AIRIM: variants seen among roughly 807,000 people sequenced by gnomAD.
The protein encoded by AIRIM is AFG2-interacting ribosome maturation factor.
the AIRIM span, chr1:37,690,015 G>GTTTTTTTTTTTTT: frequency 8.0e-7 from 1 of 1,244,176 alleles, no homozygotes. Context: ...CAGAAGCAGG[G>GTTTTTTTTTTTTT]TTTTTTTTTT....
the AIRIM span, chr1:37,690,386 T>C: frequency 3.9e-6 from 5 of 1,289,668 alleles, no homozygotes; most frequent in South Asian, 1.2e-5. Context: ...AAGCGCCGTC[T>C]CTTCTCTGAC....
chr1:37,682,219 A>G, the AIRIM span: 1 of 152,326 alleles, frequency 6.6e-6, no homozygotes, highest in Admixed American at 6.5e-5. Flanking sequence ...TTTTTGAAAA[A>G]TATCTATACC....
the AIRIM span, among the ~76,000 whole-genome samples, chr1:37,686,782 G>A: frequency 1.3e-5 from 2 of 152,196 alleles, no homozygotes; most frequent in African/African-American, 4.8e-5. Flanking sequence ...CAAGAATCAA[G>A]AAAGGGGCTG....
the AIRIM span, chr1:37,690,377 A>G: frequency 7.8e-7 from 1 of 1,289,798 alleles, no homozygotes; most frequent in South Asian, 1.2e-5. Flanking sequence ...CTGGCGTCCA[A>G]GCGCCGTCTC....
At chr1:37,689,497 A>C in the AIRIM span, 1 of 1,307,756 alleles carries the variant, frequency 7.6e-7, no homozygotes, top group Non-Finnish European at 1.0e-6. Context: ...ATACCTCCAC[A>C]TGCCACGCTT....
At chr1:37,687,276 C>A in the AIRIM span, among the ~76,000 whole-genome samples, 1 of 151,100 alleles carries the variant, frequency 6.6e-6, no homozygotes, top group African/African-American at 2.4e-5. Context: ...TACAGGCATG[C>A]GCCACCACAC....
chr1:37,689,345 C>T, the AIRIM span, among the ~76,000 whole-genome samples: 1 of 152,194 alleles, frequency 6.6e-6, no homozygotes, highest in Admixed American at 6.5e-5. Context: ...AGCTAATAGG[C>T]TTTCTCCGCT....
chr1:37,688,210 C>T, the AIRIM span, among the ~76,000 whole-genome samples: 4 of 151,990 alleles, frequency 2.6e-5, no homozygotes, highest in East Asian at 1.9e-4. Flanking sequence ...GTGTGTGCCA[C>T]GACAGCCAGT....
chr1:37,686,465 G>A, the AIRIM span: 2 of 1,610,076 alleles, frequency 1.2e-6, no homozygotes, highest in Non-Finnish European at 1.7e-6. Flanking sequence ...GCAAGAAAGA[G>A]TCTGACATTA....
At chr1:37,690,652 C>A in the AIRIM span, 1 of 250,294 alleles carries the variant, frequency 4.0e-6, no homozygotes, top group Non-Finnish European at 7.5e-6. Flanking sequence ...ACTGGCCACT[C>A]GGCTTGAAGC....
chr1:37,688,568 T>A, the AIRIM span, among the ~76,000 whole-genome samples: 1 of 152,208 alleles, frequency 6.6e-6, no homozygotes, highest in African/African-American at 2.4e-5. Flanking sequence ...CATTTTTATA[T>A]TCTTGGCACC....
chr1:37,681,758 G>A, the AIRIM span: 2 of 152,106 alleles, frequency 1.3e-5, no homozygotes, highest in African/African-American at 4.8e-5. Context: ...TTGGGAAAAT[G>A]CATGTAAAAT....
At chr1:37,689,782 C>T in the AIRIM span, 2 of 1,613,154 alleles carry the variant, frequency 1.2e-6, no homozygotes, top group Non-Finnish European at 1.7e-6. Flanking sequence ...GCTGGCAGTC[C>T]CGCAGGGCAC....
chr1:37,686,404 T>C, the AIRIM span: 1 of 1,613,992 alleles, frequency 6.2e-7, no homozygotes, highest in African/African-American at 1.3e-5. Flanking sequence ...TCTGAAACAC[T>C]CGCTCCACAT....
the AIRIM span, among the ~76,000 whole-genome samples, chr1:37,685,197 G>C: frequency 1.6e-5 from 2 of 127,868 alleles, no homozygotes; most frequent in Non-Finnish European, 3.4e-5. Context: ...TTTTTTGGGG[G>C]GGGGGGGTGG....
the AIRIM span, chr1:37,690,341 G>A: frequency 7.8e-7 from 1 of 1,290,230 alleles, no homozygotes; most frequent in African/African-American, 1.5e-5. Context: ...AACCTGGATA[G>A]GGCAGTCTCC....
the AIRIM span, chr1:37,689,857 A>T: frequency 1.3e-6 from 2 of 1,578,302 alleles, no homozygotes; most frequent in Non-Finnish European, 1.7e-6. Context: ...CCTGCACGGC[A>T]AGCAGAGGCC....
At chr1:37,683,187 C>T in the AIRIM span, 150 of 1,604,446 alleles carry the variant, frequency 9.3e-5, no homozygotes, top group African/African-American at 1.6e-3. Context: ...GAAAAAATGG[C>T]ATTATCACCT....
chr1:37,682,388 G>A, the AIRIM span: 1 of 152,512 alleles, frequency 6.6e-6, no homozygotes, highest in African/African-American at 2.4e-5. Context: ...TCCCACCCCT[G>A]CGGCTACTCC....
Sources: gnomAD v4.1 joint callset for allele counts (sites outside exome capture counted in the v4.1 genomes callset) on GRCh38, gnomAD v4.1.1 for gene constraint, MANE v1.5 for transcripts, NCBI Gene and HGNC (gene_info 2026-07-23, HGNC 2026-07-21) for gene names.